The following PIEZO2 variants were observed in gnomAD, a reference collection of about 807,000 sequenced individuals.
The protein encoded by PIEZO2 is piezo-type mechanosensitive ion channel component 2.
A neutral mutation model predicts 337.3 loss-of-function variants in PIEZO2; 172 were observed. The ratio of observed to expected loss-of-function variants is 0.51; its 90% CI spans 0.45 to 0.58. PIEZO2 has a LOEUF of 0.58. Ranked by LOEUF, PIEZO2 falls within the 20% of genes least tolerant of loss-of-function variation. The probability of loss-of-function intolerance (pLI) is 0.00; values close to 1 mark genes in which losing one functional copy is unlikely to be tolerated. For synonymous variants in PIEZO2, 1,251 were observed against 1,228.5 expected (o/e 1.02, Z -0.38); for missense variants, 3,028 against 3,391.3 (o/e 0.89, Z 2.66).
intron 4 of PIEZO2, among the ~76,000 whole-genome samples, chr18:10,886,380 G>GTATATATA (rs1173330460): frequency 0.014 from 43 of 3,028 alleles, 2 homozygotes; most frequent in Non-Finnish European, 0.017. Flanking sequence ...GTGTGTGTGT[G>GTATATATA]TATATATATA....
At chr18:10,701,544 G>A (rs2035332387) in intron 43 of PIEZO2, among the ~76,000 whole-genome samples, 1 of 152,258 alleles carries the variant, frequency 6.6e-6, no homozygotes, top group East Asian at 1.9e-4. Flanking sequence ...AGTACTACTA[G>A]AAGAAGGGAG....
intron 2 of PIEZO2, among the ~76,000 whole-genome samples, chr18:11,022,170 G>C (rs1249727169): frequency 6.6e-6 from 1 of 152,188 alleles, no homozygotes; most frequent in Admixed American, 6.5e-5. Flanking sequence ...ATGGTCCCTA[G>C]AGGCTGCACC....
chr18:11,134,978 A>T (rs2040440700), intron 1 of PIEZO2, among the ~76,000 whole-genome samples: 1 of 148,180 alleles, frequency 6.7e-6, no homozygotes, highest in South Asian at 2.1e-4. Context: ...TCTAATATTG[A>T]CCCCCCACCC....
intron 52 of PIEZO2, among the ~76,000 whole-genome samples, chr18:10,679,642 G>A (rs1332783593): frequency 6.6e-6 from 1 of 152,084 alleles, no homozygotes; most frequent in South Asian, 2.1e-4. Flanking sequence ...AGCTAGGAAC[G>A]GCCTTTCTCT....
At position 10,682,244 on chromosome 18, in the gene PIEZO2, C is replaced by A. The variant is rs536483737; in HGVS notation, c.7546G>T (p.Gly2516Cys). The A allele has an allele frequency of 6.5e-7, 1 of 1,537,210 alleles. No individual in the cohort carries two copies. The highest frequency in any genetic ancestry group is 1.2e-5 in the South Asian group (1 of 84,060). ...GQKKKKVVKY[G>C]MGGMIIVLLI... is the part of the protein sequence containing the mutation. ...AGGACGATGATCATTCCTCCCATGC[C>A]ATACTTCACCACTTTCTTCTTCTTC... Residue 2516 changes from glycine to cysteine, a missense_variant, in exon 50 of 56, where the codon GGC becomes TGC. Gly to Cys is a radical substitution (Grantham distance 159, BLOSUM62 -3). This residue lies in a region of PIEZO2 where 179 missense variants were observed against 281.8 expected (regional missense o/e 0.64). Coordinates refer to ENST00000674853, the MANE Select transcript of PIEZO2 (RefSeq NM_001378183.1). The surrounding 1 kb of genome is among the most constrained non-coding windows in gnomAD (Gnocchi z 5.6).
At chr18:10,705,057 G>A (rs541599888) in intron 41 of PIEZO2, among the ~76,000 whole-genome samples, 2 of 151,206 alleles carry the variant, frequency 1.3e-5, no homozygotes, top group Admixed American at 6.6e-5. Context: ...CTGTGTTCCC[G>A]GCTTCCTGTT....
At chr18:10,709,737 C>T (rs2035741658) in intron 39 of PIEZO2, 1 of 152,280 alleles carries the variant, frequency 6.6e-6, no homozygotes, top group South Asian at 2.1e-4. Flanking sequence ...GAGCACAAGC[C>T]ATAACTGCTC....
At chr18:10,967,152 G>A (rs1214360716) in intron 3 of PIEZO2, among the ~76,000 whole-genome samples, 3 of 151,464 alleles carry the variant, frequency 2.0e-5, no homozygotes, top group Admixed American at 2.0e-4. Flanking sequence ...TGAGTAGCTG[G>A]GATTACAGGC....
intron 39 of PIEZO2, among the ~76,000 whole-genome samples, chr18:10,710,164 G>A (rs546133895): frequency 2.6e-4 from 39 of 152,348 alleles, no homozygotes; most frequent in African/African-American, 8.7e-4. Flanking sequence ...TTCTTCATGG[G>A]AACCGATGGT....
intron 1 of PIEZO2, among the ~76,000 whole-genome samples, chr18:11,075,693 T>A (rs2038507845): frequency 1.3e-5 from 2 of 152,170 alleles, no homozygotes; most frequent in South Asian, 2.1e-4. Flanking sequence ...CTTACATACG[T>A]ATTCTTATCA....
chr18:11,088,374 TC>T (rs2038972534), intron 1 of PIEZO2, among the ~76,000 whole-genome samples: 1 of 152,224 alleles, frequency 6.6e-6, no homozygotes. Context: ...CAGAAAATTC[TC>T]TGTGACTTCC....
chr18:10,829,091 T>C (rs184579086), intron 7 of PIEZO2, among the ~76,000 whole-genome samples: 36 of 152,224 alleles, frequency 2.4e-4, no homozygotes, highest in Admixed American at 1.3e-3. Flanking sequence ...TTGATATTAA[T>C]TTAATACTTC....
chr18:10,761,141 G>T (rs747940040), intron 23 of PIEZO2, 30 bp from the exon 24 acceptor site: 2 of 1,514,712 alleles, frequency 1.3e-6, no homozygotes, highest in South Asian at 1.2e-5. Flanking sequence ...AAATGTGTCA[G>T]CCAGAGGCTT....
At chr18:11,014,488 GCC>G in intron 2 of PIEZO2, among the ~76,000 whole-genome samples, 1 of 146,442 alleles carries the variant, frequency 6.8e-6, no homozygotes, top group East Asian at 2.1e-4. Flanking sequence ...GCGATCCAGG[GCC>G]CCCCTCATTC....
intron 4 of PIEZO2, among the ~76,000 whole-genome samples, chr18:10,885,316 C>G (rs1267774256): frequency 1.3e-5 from 2 of 152,046 alleles, no homozygotes; most frequent in African/African-American, 4.8e-5. Context: ...CCTAGCTACT[C>G]AGGAGGCTGA....
At chr18:10,742,734 T>A (rs2037272815) in intron 31 of PIEZO2, 119 bp from the exon 32 acceptor site, 10 of 1,071,670 alleles carry the variant, frequency 9.3e-6, no homozygotes, top group Non-Finnish European at 2.6e-6. Flanking sequence ...TACTTTGGAA[T>A]ACTTGTGAAT....
intron 1 of PIEZO2, among the ~76,000 whole-genome samples, chr18:11,084,176 C>CAA (rs1161713844): frequency 0.024 from 1,531 of 62,500 alleles, 42 homozygotes; most frequent in African/African-American, 0.05. Context: ...AACTCTGTCT[C>CAA]AAAAAAAAAA....
intron 7 of PIEZO2, among the ~76,000 whole-genome samples, chr18:10,812,816 TA>T (rs2144380955): frequency 6.6e-6 from 1 of 152,292 alleles, no homozygotes; most frequent in East Asian, 1.9e-4. Flanking sequence ...GGCAGATTTA[TA>T]AAACCTCCAC....
chr18:10,760,967 G>A lies in PIEZO2; in HGVS notation c.3394C>T (p.Leu1132Phe). The change falls in exon 24 of 56, where the codon CTT becomes TTT. Residue 1132 changes from leucine (L) to phenylalanine (F), a missense_variant. This residue lies in a region of PIEZO2 where 1,925 missense variants were observed against 2,051.9 expected (regional missense o/e 0.94). Coordinates refer to ENST00000674853, the MANE Select transcript of PIEZO2 (RefSeq NM_001378183.1). ...ATGAAATATTTGGCACAATTAATAAGTCCATCATCTAGATGTAGTCTTGTA... is the reference window on the plus strand; with the variant it reads ...ATGAAATATTTGGCACAATTAATAAATCCATCATCTAGATGTAGTCTTGTA... ...DITRLHLDDGLINCAKYFINY... is the reference protein window; with the variant it reads ...DITRLHLDDGFINCAKYFINY... 1 of 1,535,444 alleles carries A rather than the reference G, an allele frequency of 6.5e-7. No individual in the cohort carries two copies.
Sources: gnomAD v4.1 joint callset for allele counts (sites outside exome capture counted in the v4.1 genomes callset) on GRCh38, gnomAD v4.1.1 for gene constraint, gnomAD v4.1.1 regional missense constraint, Gnocchi (gnomAD v3.1) non-coding constraint, MANE v1.5 for transcripts, NCBI Gene and HGNC (gene_info 2026-07-23, HGNC 2026-07-21) for gene names.